The following STXBP5L variants were observed in gnomAD, a reference collection of about 807,000 sequenced individuals.
STXBP5L encodes syntaxin-binding protein 5-like.
A neutral mutation model predicts 144.5 loss-of-function variants in STXBP5L; 65 were observed. The observed-to-expected ratio is 0.45, with a 90% CI of 0.37 to 0.55. The LOEUF (loss-of-function observed/expected upper bound fraction) is 0.55. Ranked by LOEUF, STXBP5L falls within the 20% of genes least tolerant of loss-of-function variation. The probability of loss-of-function intolerance (pLI) is 0.00; values close to 1 mark genes in which losing one functional copy is unlikely to be tolerated. For synonymous variants in STXBP5L, 505 were observed against 469.6 expected (o/e 1.08, Z -0.97); for missense variants, 1,298 against 1,405.5 (o/e 0.92, Z 1.22).
intron 3 of STXBP5L, among the ~76,000 whole-genome samples, chr3:120,970,083 A>G (rs981517246): frequency 2.7e-5 from 4 of 150,466 alleles, no homozygotes; most frequent in African/African-American, 9.8e-5. Flanking sequence ...ACCCTTTAAC[A>G]CCCCCCCAAT....
intron 3 of STXBP5L, among the ~76,000 whole-genome samples, chr3:120,987,644 G>A (rs758558346): frequency 7.9e-5 from 12 of 151,814 alleles, no homozygotes; most frequent in Admixed American, 3.9e-4. Context: ...GATTGTGCTC[G>A]TGGTTTCACC....
intron 20 of STXBP5L, among the ~76,000 whole-genome samples, chr3:121,333,885 G>A (rs1297102019): frequency 6.6e-6 from 1 of 151,954 alleles, no homozygotes; most frequent in Non-Finnish European, 1.5e-5. Flanking sequence ...GTTAATAATA[G>A]CCTACTGATA....
At position 121,366,227 on chromosome 3, in the gene STXBP5L, G is replaced by A. The variant is rs147902946; in HGVS notation, c.2177-12489G>A. 3.0e-3 allele frequency among the ~76,000 whole-genome samples: 452 copies of A among 151,908 alleles called. 2 individuals are homozygous for A. The highest frequency in any genetic ancestry group is 4.6e-3 in the Non-Finnish European group (314 of 67,776). On this transcript the variant is annotated intron_variant, in intron 20 of 26. Transcript: ENST00000471454. ...TCTCATGTGCACTTGAAAAGAATGC[G>A]TATACTTTTGTTGATGTATAGAGTG...
At chr3:121,024,122 G>T (rs1362263045) in intron 3 of STXBP5L, among the ~76,000 whole-genome samples, 1 of 151,986 alleles carries the variant, frequency 6.6e-6, no homozygotes, top group Non-Finnish European at 1.5e-5. Context: ...ACTCTTAAAG[G>T]AATCAAAAGA....
chr3:120,944,893 G>A (rs1215909688), intron 2 of STXBP5L, among the ~76,000 whole-genome samples: 1 of 151,576 alleles, frequency 6.6e-6, no homozygotes, highest in Non-Finnish European at 1.5e-5. Flanking sequence ...ATCAGATTTA[G>A]GTAAGAGCTG....
At chr3:120,975,999 A>G (rs1365126389) in intron 3 of STXBP5L, among the ~76,000 whole-genome samples, 1 of 149,368 alleles carries the variant, frequency 6.7e-6, no homozygotes, top group Non-Finnish European at 1.5e-5. Context: ...ATTGGTCTAA[A>G]ATTCTCTTTT....
At chr3:121,341,119 G>T (rs1288931901) in intron 20 of STXBP5L, among the ~76,000 whole-genome samples, 4 of 151,932 alleles carry the variant, frequency 2.6e-5, no homozygotes, top group African/African-American at 4.8e-5. Flanking sequence ...CTCTGACAAG[G>T]AATTAATAAC....
At chr3:120,918,870 C>CTTT (rs1256471082) in intron 2 of STXBP5L, among the ~76,000 whole-genome samples, 2 of 152,046 alleles carry the variant, frequency 1.3e-5, no homozygotes, top group Non-Finnish European at 2.9e-5. Flanking sequence ...AAAAATAACT[C>CTTT]TTTGTCCTGA....
At chr3:121,051,508 G>T (rs1477449955) in intron 5 of STXBP5L, among the ~76,000 whole-genome samples, 1 of 152,180 alleles carries the variant, frequency 6.6e-6, no homozygotes, top group African/African-American at 2.4e-5. Context: ...ACGAAAAGAA[G>T]ACAGAAATAA....
intron 5 of STXBP5L, among the ~76,000 whole-genome samples, chr3:121,094,096 T>C (rs1001665668): frequency 6.6e-6 from 1 of 152,222 alleles, no homozygotes; most frequent in East Asian, 1.9e-4. Context: ...GTGAGTGTCT[T>C]AATCCTGAGT....
intron 10 of STXBP5L, among the ~76,000 whole-genome samples, chr3:121,213,673 G>A (rs202023245): frequency 2.4e-5 from 1 of 41,014 alleles, no homozygotes; most frequent in African/African-American, 7.0e-5. Flanking sequence ...CTGAAATTTT[G>A]TTGTTGTTGT....
intron 20 of STXBP5L, among the ~76,000 whole-genome samples, chr3:121,368,235 T>C (rs2108653976): frequency 6.6e-6 from 1 of 152,298 alleles, no homozygotes; most frequent in Middle Eastern, 3.4e-3. Flanking sequence ...TTGCTAATTC[T>C]TCTGTCTGCT....
At chr3:120,930,792 T>C (rs1381879465) in intron 2 of STXBP5L, among the ~76,000 whole-genome samples, 1 of 152,164 alleles carries the variant, frequency 6.6e-6, no homozygotes, top group African/African-American at 2.4e-5. Context: ...TGAAATGTAC[T>C]AGGATTTATA....
At chr3:121,269,534 A>G (rs1021094153) in intron 18 of STXBP5L, among the ~76,000 whole-genome samples, 1 of 152,148 alleles carries the variant, frequency 6.6e-6, no homozygotes, top group Non-Finnish European at 1.5e-5. Context: ...AAGATCTTGC[A>G]TCAGTTCTCT....
chr3:120,985,463 G>T (rs1942203553), intron 3 of STXBP5L, among the ~76,000 whole-genome samples: 1 of 152,012 alleles, frequency 6.6e-6, no homozygotes, highest in South Asian at 2.1e-4. Context: ...CAATTTTCAA[G>T]TATACAGTAT....
intron 19 of STXBP5L, among the ~76,000 whole-genome samples, chr3:121,313,745 C>A (rs1293338799): frequency 1.6e-4 from 21 of 130,650 alleles, no homozygotes; most frequent in African/African-American, 5.8e-4. Context: ...TGACCCCCCC[C>A]ACCTCCCTCC....
intron 3 of STXBP5L, among the ~76,000 whole-genome samples, chr3:120,984,300 T>G (rs911353524): frequency 5.9e-5 from 9 of 152,246 alleles, no homozygotes; most frequent in Non-Finnish European, 8.8e-5. Flanking sequence ...CTTGATTTTA[T>G]GGACGCAGAT....
intron 2 of STXBP5L, among the ~76,000 whole-genome samples, chr3:120,952,264 A>G (rs1711304704): frequency 6.6e-6 from 1 of 152,084 alleles, no homozygotes. Context: ...CATTGATTTT[A>G]ATATCAATTC....
intron 20 of STXBP5L, among the ~76,000 whole-genome samples, chr3:121,366,179 C>G (rs901131445): frequency 2.0e-5 from 3 of 151,926 alleles, no homozygotes; most frequent in Non-Finnish European, 4.4e-5. Context: ...TATGGTCTTA[C>G]ATATGGCCTA....
Sources: allele counts gnomAD v4.1 joint callset (sites outside exome capture counted in the v4.1 genomes callset), GRCh38; gene constraint gnomAD v4.1.1; transcripts MANE v1.5; gene names NCBI Gene and HGNC (gene_info 2026-07-23, HGNC 2026-07-21).